Variants in CDH17 observed in about 807,000 individuals in gnomAD.
CDH17 encodes cadherin-17.
In CDH17, 67 loss-of-function variants were observed where a neutral mutation model predicts 86.3. The ratio of observed to expected loss-of-function variants is 0.78; its 90% CI spans 0.64 to 0.95. The LOEUF (loss-of-function observed/expected upper bound fraction) is 0.95, where lower values mean the gene tolerates loss of function less well. Ranked by LOEUF, CDH17 falls within the 40% of genes least tolerant of loss-of-function variation. The pLI is 0.00. For missense variants in CDH17, 993 were observed against 1,017.6 expected, an observed-to-expected ratio of 0.98 and a Z score of 0.33; for synonymous variants, 367 against 366.4, an observed-to-expected ratio of 1.00 and a Z score of -0.02.
upstream of CDH17, among the ~76,000 whole-genome samples, chr8:94,213,279 T>C (rs1814149839): frequency 6.6e-6 from 1 of 152,242 alleles, no homozygotes; most frequent in Non-Finnish European, 1.5e-5. Flanking sequence ...GCTGGCACTC[T>C]GGATTTCTGA....
chr8:94,129,027 C>G (rs1812356803), intron 17 of CDH17, among the ~76,000 whole-genome samples: 1 of 152,174 alleles, frequency 6.6e-6, no homozygotes, highest in African/African-American at 2.4e-5. Flanking sequence ...TAGGAGGAAT[C>G]ATGGCAGAAA....
chr8:94,168,782 C>T (rs1813215259), intron 9 of CDH17, among the ~76,000 whole-genome samples: 3 of 152,144 alleles, frequency 2.0e-5, no homozygotes, highest in Admixed American at 2.0e-4. Context: ...CCAGCAACCC[C>T]CATCTCCTGA....
rs1248857792 is a variant in CDH17, at chr8:94,146,026, G to T, written c.2069C>A (p.Ala690Asp). The change falls in exon 15 of 18, where the codon GCT (alanine) becomes GAT (aspartate). Residue 690 changes from alanine (A) to aspartate (D), a missense_variant. Transcript: ENST00000027335. ...AAATAAGTGCTGATCATCATCAGTA[G>T]CCTCGAAAATGAGACTTCCAGGTGC... ...LSAPGSLIFE[A>D]TDDDQHLFRG... 1 of 1,613,800 alleles carries T rather than the reference G, an allele frequency of 6.2e-7. No homozygotes were observed. Among genetic ancestry groups the T allele is most frequent in the Non-Finnish European group, 8.5e-7 (1 of 1,179,930 alleles).
At chr8:94,134,467 T>C (rs976271090) in intron 15 of CDH17, among the ~76,000 whole-genome samples, 1 of 152,232 alleles carries the variant, frequency 6.6e-6, no homozygotes, top group Non-Finnish European at 1.5e-5. Flanking sequence ...TATTCTCTGA[T>C]TGTAGTTTGT....
At chr8:94,197,829 TA>T (rs34799637) in intron 1 of CDH17, among the ~76,000 whole-genome samples, 56,846 of 121,256 alleles carry the variant, frequency 0.47, 12,534 homozygotes, top group African/African-American at 0.55. Context: ...AGACTCTGTC[TA>T]AAAAAAAAAA....
chr8:94,137,731 G>A (rs1243967821), intron 15 of CDH17, among the ~76,000 whole-genome samples: 2 of 152,196 alleles, frequency 1.3e-5, no homozygotes, highest in Admixed American at 6.5e-5. Flanking sequence ...TTAACAATGT[G>A]AGAGCTGGGA....
intron 5 of CDH17, among the ~76,000 whole-genome samples, chr8:94,176,322 A>G (rs1813370078): frequency 6.6e-6 from 1 of 152,200 alleles, no homozygotes; most frequent in South Asian, 2.1e-4. Flanking sequence ...CTCTGACCAA[A>G]AAAAGAATTA....
At chr8:94,210,438 A>C (rs1814105800), upstream of CDH17, among the ~76,000 whole-genome samples, 1 of 152,102 alleles carries the variant, frequency 6.6e-6, no homozygotes, top group Non-Finnish European at 1.5e-5. Context: ...TGATTATTGC[A>C]TTTCTGAATT....
intron 15 of CDH17, among the ~76,000 whole-genome samples, chr8:94,134,103 G>C (rs772945299): frequency 1.3e-5 from 2 of 152,152 alleles, no homozygotes; most frequent in Non-Finnish European, 2.9e-5. Context: ...CAAGGATACT[G>C]GTCTAAAATT....
chr8:94,189,165 A>T, intron 3 of CDH17, 22 bp downstream of exon 3: 3 of 1,523,696 alleles, frequency 2.0e-6, no homozygotes, highest in Non-Finnish European at 2.7e-6. Flanking sequence ...TCAAGAGGAC[A>T]GTGATCAAGG....
At chr8:94,210,564 G>A (rs546751426), upstream of CDH17, among the ~76,000 whole-genome samples, 222 of 152,256 alleles carry the variant, frequency 1.5e-3, no homozygotes, top group Non-Finnish European at 1.7e-3. Flanking sequence ...TTAAGAATGT[G>A]CACGTTTCAG....
chr8:94,149,746 C>A (rs1287654427), intron 13 of CDH17, among the ~76,000 whole-genome samples: 1 of 152,128 alleles, frequency 6.6e-6, no homozygotes, highest in Non-Finnish European at 1.5e-5. Flanking sequence ...GGGCAGCCAG[C>A]CAATGATTTA....
intron 12 of CDH17, among the ~76,000 whole-genome samples, chr8:94,154,542 C>T (rs1289727620): frequency 6.6e-6 from 1 of 152,106 alleles, no homozygotes; most frequent in African/African-American, 2.4e-5. Context: ...GAGGACATGC[C>T]AGATGGAACC....
At chr8:94,180,925 A>G (rs1478998638) in intron 3 of CDH17, among the ~76,000 whole-genome samples, 4 of 149,838 alleles carry the variant, frequency 2.7e-5, no homozygotes, top group South Asian at 4.2e-4. Flanking sequence ...AAACAAGCAA[A>G]CAAACAAACA....
rs76848096 is a variant in CDH17, at chr8:94,198,865, T to C, written c.-20-4160A>G. 5.4e-3 allele frequency among the ~76,000 whole-genome samples: 828 copies of C among 152,004 alleles called. 8 individuals are homozygous for C. Among genetic ancestry groups the C allele is most frequent in the African/African-American group, 0.019 (773 of 41,396 alleles). ...TCTAAGTTCAACTTAATTATTTAAA[T>C]AGCAATGAACTACACCACTTCTAGT... is the stretch of plus-strand genomic sequence containing the variant. On this transcript the variant is annotated intron_variant, in intron 1 of 17. Coordinates refer to ENST00000027335, the MANE Select transcript of CDH17 (RefSeq NM_004063.4).
chr8:94,212,495 T>C (rs919040646), upstream of CDH17, among the ~76,000 whole-genome samples: 2 of 91,280 alleles, frequency 2.2e-5, no homozygotes, highest in African/African-American at 4.2e-5. Context: ...TTCTCTGTTG[T>C]TGAGTTTTTT....
intron 13 of CDH17, among the ~76,000 whole-genome samples, chr8:94,149,624 C>T (rs1812820232): frequency 6.6e-6 from 1 of 152,180 alleles, no homozygotes; most frequent in Admixed American, 6.5e-5. Context: ...CAAGGAACAG[C>T]ATGGTGAGTG....
intron 1 of CDH17, among the ~76,000 whole-genome samples, chr8:94,195,378 A>G (rs911428824): frequency 6.6e-6 from 1 of 152,176 alleles, no homozygotes; most frequent in Admixed American, 6.5e-5. Flanking sequence ...TTTGATTCAA[A>G]GCCACAAACA....
chr8:94,186,150 A>G (rs1813574546), intron 3 of CDH17, among the ~76,000 whole-genome samples: 1 of 152,106 alleles, frequency 6.6e-6, no homozygotes, highest in Non-Finnish European at 1.5e-5. Context: ...CCTGACCCAT[A>G]TTAACACTGT....
Sources: gnomAD v4.1 joint callset for allele counts (sites outside exome capture counted in the v4.1 genomes callset) on GRCh38, gnomAD v4.1.1 for gene constraint, MANE v1.5 for transcripts, NCBI Gene and HGNC (gene_info 2026-07-23, HGNC 2026-07-21) for gene names.